Variants in HMCN1 observed in about 807,000 individuals in gnomAD.
HMCN1 encodes the protein hemicentin 1.
In HMCN1, 321 loss-of-function variants were observed where a neutral mutation model predicts 625.9. The ratio of observed to expected loss-of-function variants is 0.51; its 90% CI spans 0.47 to 0.56. The LOEUF is 0.56. Among genes scored for constraint, HMCN1 ranks in the 20% least tolerant of loss-of-function variants. The pLI is 0.00. For synonymous variants in HMCN1, 2,425 were observed against 2,417.6 expected, an observed-to-expected ratio of 1.00 and a Z score of -0.09; for missense variants, 6,588 against 6,887.3, an observed-to-expected ratio of 0.96 and a Z score of 1.54.
In HMCN1 at chr1:186,061,766, T is replaced by C. The variant is rs558151818; in HGVS notation, c.7313-85T>C. Reference sequence around the variant, plus strand: ...CTCTAAAGCATACTGATTAAATTTTTACCGAAATTGAGCATCACTTGGATG... The same window carrying C: ...CTCTAAAGCATACTGATTAAATTTTCACCGAAATTGAGCATCACTTGGATG... On this transcript the variant is annotated intron_variant, in intron 46 of 106. Transcript: ENST00000271588. 45 of 824,262 alleles carry C rather than the reference T, an allele frequency of 5.5e-5. 1 individual carries two copies. In the South Asian group the frequency reaches 6.9e-4, roughly 13 times the overall value. 51.1% of individuals were successfully genotyped at this position (824,262 alleles called of 1,614,324 possible).
intron 53 of HMCN1, among the ~76,000 whole-genome samples, chr1:186,075,709 T>C (rs1658771970): frequency 6.6e-6 from 1 of 152,116 alleles, no homozygotes; most frequent in African/African-American, 2.4e-5. Context: ...CCAAAAAATA[T>C]TTATTTAACC....
intron 15 of HMCN1, among the ~76,000 whole-genome samples, chr1:185,975,854 T>G (rs1425450369): frequency 1.3e-5 from 2 of 151,940 alleles, no homozygotes; most frequent in African/African-American, 2.4e-5. Flanking sequence ...TTCAATGTAC[T>G]GGGTGAAGGT....
intron 23 of HMCN1, 168 bp downstream of exon 23, chr1:185,993,477 C>G (rs1459621003): frequency 1.5e-6 from 1 of 659,488 alleles, no homozygotes; most frequent in African/African-American, 1.8e-5. Context: ...TCTGAAAAGT[C>G]TTCCTGCTAT....
chr1:185,980,824 T>C (rs1558114363), intron 16 of HMCN1, among the ~76,000 whole-genome samples, 154 bp from the exon 17 acceptor site: 1 of 152,210 alleles, frequency 6.6e-6, no homozygotes, highest in Non-Finnish European at 1.5e-5. Context: ...TTAGCACTTA[T>C]TTCACTGTGG....
chr1:186,153,912 G>T lies in HMCN1; in HGVS notation c.15181G>T (p.Ala5061Ser), dbSNP rs753774588. Residue 5061 changes from alanine to serine, a missense_variant, in exon 97 of 107, where the codon GCA (alanine) becomes TCA (serine). This residue lies in a region of HMCN1 where 1,954 missense variants were observed against 2,013.1 expected (regional missense o/e 0.97). Transcript: ENST00000271588. ...RMPFLVETLH[A>S]SSVESDYNQI... ...GCCTTTCTTGGTTGAAACACTTCAT[G>T]CATCCTCTGTGGAATCTGACTATAA... 1.2e-6 allele frequency: 2 copies of T among 1,613,978 alleles called. No homozygotes were observed. Among genetic ancestry groups the T allele is most frequent in the East Asian group, 2.2e-5 (1 of 44,890 alleles).
At position 186,161,444 on chromosome 1, in the gene HMCN1, T is replaced by A. The variant is rs546395627; in HGVS notation, c.15257-3667T>A. 4.4e-3 allele frequency among the ~76,000 whole-genome samples: 666 copies of A among 152,024 alleles called. 7 individuals are homozygous for A. The highest frequency in any genetic ancestry group is 0.014 in the African/African-American group (573 of 41,422). On this transcript the variant is annotated intron_variant, in intron 97 of 106. Coordinates refer to ENST00000271588, the MANE Select transcript of HMCN1 (RefSeq NM_031935.3). ...CATTTAAAGTTAATATTGTTATGTGTGAATTTGAACCTGTCATTATGATGT... is the reference window on the plus strand; with the variant it reads ...CATTTAAAGTTAATATTGTTATGTGAGAATTTGAACCTGTCATTATGATGT...
intron 52 of HMCN1, among the ~76,000 whole-genome samples, chr1:186,074,243 A>G (rs979323077): frequency 6.7e-6 from 1 of 149,412 alleles, no homozygotes; most frequent in Non-Finnish European, 1.5e-5. Flanking sequence ...AACATAATAT[A>G]AATATCTTTA....
At chr1:186,178,825 T>C in intron 104 of HMCN1, 59 bp downstream of exon 104, 2 of 1,117,336 alleles carry the variant, frequency 1.8e-6, no homozygotes, top group Non-Finnish European at 2.8e-6. Context: ...TCAAAGTATG[T>C]GTACAGCACC....
At chr1:186,151,467 C>A in intron 94 of HMCN1, 118 bp downstream of exon 94, 2 of 1,282,918 alleles carry the variant, frequency 1.6e-6, no homozygotes, top group Non-Finnish European at 2.2e-6. Flanking sequence ...AGCTTTTAAA[C>A]AAACATACAT....
chr1:185,909,566 T>A (rs1209162790), intron 5 of HMCN1, 58 bp downstream of exon 5: 1 of 1,428,728 alleles, frequency 7.0e-7, no homozygotes, highest in East Asian at 2.3e-5. Flanking sequence ...GTAAAATACT[T>A]TTCACACACT....
At position 186,041,063 on chromosome 1, in the gene HMCN1, C is replaced by T. The variant is rs377078223; in HGVS notation, c.6231C>T (p.Asp2077=). ...ILALTSAQIS[D]TGRYTCVAVN... ...CATTGACCAGTGCACAAATCAGCGA[C>T]ACAGGAAGGTACACCTGCGTGGCAG... The change falls in exon 40 of 107, where the codon GAC becomes GAT. Residue 2077 remains aspartate (D), a synonymous_variant. Coordinates refer to ENST00000271588, the MANE Select transcript of HMCN1 (RefSeq NM_031935.3). The T allele has an allele frequency of 9.3e-6, 15 of 1,612,956 alleles. No individual in the cohort carries two copies. The highest frequency in any genetic ancestry group is 1.3e-5 in the Non-Finnish European group (15 of 1,179,196).
At chr1:185,984,031 C>A in intron 18 of HMCN1, 138 bp from the exon 19 acceptor site, 1 of 654,224 alleles carries the variant, frequency 1.5e-6, no homozygotes, top group Non-Finnish European at 2.6e-6. Context: ...GCTCATCGTT[C>A]TTCACTTAAG....
chr1:185,898,584 G>A (rs1364479466), intron 4 of HMCN1, among the ~76,000 whole-genome samples: 1 of 152,034 alleles, frequency 6.6e-6, no homozygotes, highest in Non-Finnish European at 1.5e-5. Flanking sequence ...ATGAACCCTG[G>A]TCCTAATAGC....
intron 48 of HMCN1, among the ~76,000 whole-genome samples, chr1:186,063,442 C>G (rs12091520): frequency 3.1e-5 from 3 of 96,232 alleles, no homozygotes; most frequent in African/African-American, 1.3e-4. Context: ...GAGGGAGGGA[C>G]GGAGAGAGAA....
Position 186,003,717 on chromosome 1 carries a change from G to A in HMCN1, c.4349-1G>A. 1.2e-6 allele frequency: 2 copies of A among 1,613,088 alleles called. No individual in the cohort carries two copies. The highest frequency in any genetic ancestry group is 1.7e-6 in the Non-Finnish European group (2 of 1,179,302). On this transcript the variant is annotated splice_acceptor_variant, in intron 28 of 106. Transcript: ENST00000271588. LOFTEE classifies it high-confidence loss of function. ...TTCATAATACACTGTCTTTGTTCAAGTTCCACCCACCATAATAGGTACCAA... is the reference window on the plus strand; with the variant it reads ...TTCATAATACACTGTCTTTGTTCAAATTCCACCCACCATAATAGGTACCAA...
intron 11 of HMCN1, among the ~76,000 whole-genome samples, chr1:185,944,340 G>A (rs544701456): frequency 6.6e-6 from 1 of 152,064 alleles, no homozygotes; most frequent in East Asian, 1.9e-4. Flanking sequence ...GAGAGGCTAG[G>A]GATAAAAACA....
At chr1:186,010,767 T>C (rs1653948724) in intron 30 of HMCN1, among the ~76,000 whole-genome samples, 1 of 152,210 alleles carries the variant, frequency 6.6e-6, no homozygotes, top group East Asian at 1.9e-4. Context: ...GGCAAACCTT[T>C]TTTATAAAGG....
chr1:185,918,743 T>C (rs1558064460), intron 6 of HMCN1, among the ~76,000 whole-genome samples: 1 of 152,142 alleles, frequency 6.6e-6, no homozygotes, highest in Non-Finnish European at 1.5e-5. Context: ...CGTGGCTCAT[T>C]ATGTACGTTT....
chr1:186,013,710 T>C (rs1173117512), intron 30 of HMCN1, among the ~76,000 whole-genome samples: 2 of 151,892 alleles, frequency 1.3e-5, no homozygotes, highest in African/African-American at 4.8e-5. Context: ...CAAAATAAAA[T>C]AATAAAATAA....
Sources: allele counts gnomAD v4.1 joint callset (sites outside exome capture counted in the v4.1 genomes callset), GRCh38; gene constraint gnomAD v4.1.1; regional missense constraint gnomAD v4.1.1; transcripts MANE v1.5; gene names NCBI Gene and HGNC (gene_info 2026-07-23, HGNC 2026-07-21).